The following SLC1A2 variants were observed in gnomAD, a reference collection of about 807,000 sequenced individuals.
SLC1A2 encodes solute carrier family 1 member 2, also known as excitatory amino acid transporter 2.
Under a neutral mutation model 48.8 loss-of-function variants are expected in SLC1A2, and 15 were observed. The observed-to-expected ratio is 0.31, with a 90% CI of 0.21 to 0.47. The LOEUF (loss-of-function observed/expected upper bound fraction) is 0.47, where lower values mean the gene tolerates loss of function less well. Among genes scored for constraint, SLC1A2 ranks in the 20% least tolerant of loss-of-function variants. SLC1A2 has a pLI of 0.99. For synonymous variants in SLC1A2, 279 were observed against 272.6 expected (o/e 1.02, Z -0.23); for missense variants, 502 against 730.5 (o/e 0.69, Z 3.61).
chr11:35,265,665 G>C lies in SLC1A2; in HGVS notation c.1515C>G (p.Asp505Glu). 4 of 1,612,948 alleles carry C rather than the reference G, an allele frequency of 2.5e-6. No homozygotes were observed. Among genetic ancestry groups the C allele is most frequent in the East Asian group, 2.2e-5 (1 of 44,882 alleles). ...HLSKSELDTIDSQHRVHEDIE... is the reference protein window; with the variant it reads ...HLSKSELDTIESQHRVHEDIE... ...TATCTTCATGCACTCGATGCTGGGA[G>C]TCAATGGTATCCAGCTCAGACTTGG... is the stretch of plus-strand genomic sequence containing the variant. Residue 505 changes from aspartate (D) to glutamate (E), a missense_variant, in exon 10 of 11, where the codon GAC (aspartate) becomes GAG (glutamate). Physicochemically the swap from Asp to Glu is conservative, Grantham distance 45. Transcript: ENST00000278379.
At chr11:35,287,457 C>A (rs890042117) in intron 7 of SLC1A2, among the ~76,000 whole-genome samples, 3 of 152,176 alleles carry the variant, frequency 2.0e-5, no homozygotes, top group Non-Finnish European at 4.4e-5. Flanking sequence ...GCTGGACTTG[C>A]TAATTTCCAT....
At chr11:35,326,694 A>G (rs1852263565) in intron 1 of SLC1A2, among the ~76,000 whole-genome samples, 1 of 152,196 alleles carries the variant, frequency 6.6e-6, no homozygotes. Flanking sequence ...AAGATTTACC[A>G]TGGCAGGCAT....
chr11:35,411,910 C>T (rs1008975817), intron 1 of SLC1A2, among the ~76,000 whole-genome samples: 51 of 151,948 alleles, frequency 3.4e-4, no homozygotes, highest in Middle Eastern at 3.2e-3. Flanking sequence ...TAGTTGCTGT[C>T]CTTCTTAAGG....
intron 1 of SLC1A2, among the ~76,000 whole-genome samples, chr11:35,385,455 C>T (rs1334634347): frequency 6.6e-6 from 1 of 152,190 alleles, no homozygotes; most frequent in Non-Finnish European, 1.5e-5. Flanking sequence ...CTAAAGCCTA[C>T]AGGTTTTGTA....
At chr11:35,276,205 T>G (rs149304599) in intron 9 of SLC1A2, among the ~76,000 whole-genome samples, 1 of 152,276 alleles carries the variant, frequency 6.6e-6, no homozygotes, top group Non-Finnish European at 1.5e-5. Context: ...TTACACATGA[T>G]GTAGCTGAGG....
chr11:35,392,316 G>C (rs1414177861), intron 1 of SLC1A2: 3 of 152,204 alleles, frequency 2.0e-5, no homozygotes, highest in African/African-American at 7.2e-5. Flanking sequence ...GGAAGACACA[G>C]AGAATGTGAA....
rs915616199 is a variant in SLC1A2, at chr11:35,335,010, C to A, written c.18-17494G>T. On this transcript the variant is annotated intron_variant, in intron 1 of 10. Coordinates refer to ENST00000278379, the MANE Select transcript of SLC1A2 (RefSeq NM_004171.4). ...AGACAGCTGGGAATCACACCTTGGTCTGTCTTCATCCAAACCCAACCCCTT... is the reference window on the plus strand; with the variant it reads ...AGACAGCTGGGAATCACACCTTGGTATGTCTTCATCCAAACCCAACCCCTT... Among the ~76,000 whole-genome samples the A allele has an allele frequency of 2.0e-5, 3 of 152,292 alleles. No homozygotes were observed. The East Asian group carries it at 5.8e-4, about 29-fold the overall frequency.
chr11:35,333,307 C>G (rs1852490860), intron 1 of SLC1A2, among the ~76,000 whole-genome samples: 1 of 151,740 alleles, frequency 6.6e-6, no homozygotes, highest in Non-Finnish European at 1.5e-5. Flanking sequence ...ATCCCAGCTA[C>G]TGGGGAGGCT....
intron 1 of SLC1A2, among the ~76,000 whole-genome samples, chr11:35,369,408 T>C (rs1853979862): frequency 1.3e-5 from 2 of 152,204 alleles, no homozygotes; most frequent in South Asian, 4.1e-4. Context: ...CTTACCAAGC[T>C]CCAGGTTCCT....
rs760791830 is a variant in SLC1A2 at position 35,418,980 on chromosome 11, C to G, written c.-14G>C. The G allele has an allele frequency of 1.2e-5, 19 of 1,564,940 alleles. No homozygotes were observed. Among genetic ancestry groups the G allele is most frequent in the Non-Finnish European group, 1.6e-5 (19 of 1,153,084 alleles). On this transcript the variant is annotated 5_prime_UTR_variant, in exon 1 of 11. Coordinates refer to ENST00000278379, the MANE Select transcript of SLC1A2 (RefSeq NM_004171.4). ...CGTAGATGCCATGGTCTGGGGAACGCCCCCTCCTCTTCAGCACTATCCGGC... is the reference window on the plus strand; with the variant it reads ...CGTAGATGCCATGGTCTGGGGAACGGCCCCTCCTCTTCAGCACTATCCGGC...
chr11:35,310,140 C>T (rs1051684788), intron 4 of SLC1A2, among the ~76,000 whole-genome samples: 2 of 152,248 alleles, frequency 1.3e-5, no homozygotes, highest in African/African-American at 4.8e-5. Context: ...CTGCCTGCTT[C>T]TTGGTCCTGC....
chr11:35,301,210 A>G (rs1851344928), intron 6 of SLC1A2, among the ~76,000 whole-genome samples: 1 of 152,104 alleles, frequency 6.6e-6, no homozygotes, highest in African/African-American at 2.4e-5. Flanking sequence ...TTTCTAAGCC[A>G]CTCAGTCTTT....
At chr11:35,332,667 G>A (rs1046251657) in intron 1 of SLC1A2, among the ~76,000 whole-genome samples, 1 of 152,024 alleles carries the variant, frequency 6.6e-6, no homozygotes, top group African/African-American at 2.4e-5. Flanking sequence ...AAATGGCAGG[G>A]TTTTTTTGCC....
At chr11:35,326,849 G>T (rs1852267236) in intron 1 of SLC1A2, among the ~76,000 whole-genome samples, 1 of 152,100 alleles carries the variant, frequency 6.6e-6, no homozygotes, top group Non-Finnish European at 1.5e-5. Context: ...TTCCACCCAA[G>T]GACCCAGATT....
At chr11:35,398,527 G>T (rs781466307) in intron 1 of SLC1A2, among the ~76,000 whole-genome samples, 2 of 152,166 alleles carry the variant, frequency 1.3e-5, no homozygotes, top group Non-Finnish European at 2.9e-5. Context: ...GAGGGTGGGA[G>T]GAGGGTGAAT....
At chr11:35,298,271 C>A (rs1301110596) in intron 6 of SLC1A2, 1 of 152,068 alleles carries the variant, frequency 6.6e-6, no homozygotes, top group Non-Finnish European at 1.5e-5. Context: ...GGGTTAGTAC[C>A]TGTACTGTAA....
At chr11:35,300,242 C>T (rs1851307806) in intron 6 of SLC1A2, among the ~76,000 whole-genome samples, 1 of 152,240 alleles carries the variant, frequency 6.6e-6, no homozygotes, top group South Asian at 2.1e-4. Context: ...AGCTCTTCCT[C>T]TCCCTAGCTA....
chr11:35,273,877 G>A (rs1201183888), intron 9 of SLC1A2, among the ~76,000 whole-genome samples: 16 of 152,216 alleles, frequency 1.1e-4, no homozygotes, highest in Admixed American at 9.8e-4. Context: ...AAAACATCTG[G>A]TTAGATATTT....
chr11:35,334,407 G>A lies in SLC1A2; in HGVS notation c.18-16891C>T, dbSNP rs538687253. The stretch of plus-strand genomic sequence containing the variant: ...AAAGGAATGAAAATTTATTCACCAG[G>A]CTACAAGCAGGTAGGGAGTGATTTA... On this transcript the variant is annotated intron_variant, in intron 1 of 10. Transcript: ENST00000278379. 3.3e-5 allele frequency among the ~76,000 whole-genome samples: 5 copies of A among 152,276 alleles called. No individual in the cohort carries two copies. The South Asian group carries it at 1.0e-3, about 32-fold the overall frequency.
Sources: allele counts gnomAD v4.1 joint callset (sites outside exome capture counted in the v4.1 genomes callset), GRCh38; gene constraint gnomAD v4.1.1; transcripts MANE v1.5; gene names NCBI Gene and HGNC (gene_info 2026-07-23, HGNC 2026-07-21).